The following MBTPS2 variants were observed in gnomAD, a reference collection of about 807,000 sequenced individuals.
MBTPS2 encodes the protein membrane bound transcription factor peptidase, site 2, also known as membrane-bound transcription factor site-2 protease.
A neutral mutation model predicts 35.4 loss-of-function variants in MBTPS2; 2 were observed. That is an observed-to-expected ratio of 0.06 (90% CI 0.02 to 0.18). MBTPS2 has a LOEUF of 0.18. Among genes scored for constraint, MBTPS2 ranks in the 10% least tolerant of loss-of-function variants. MBTPS2 has a pLI of 1.00. For synonymous variants in MBTPS2, 125 were observed against 140.4 expected (o/e 0.89, Z 0.77); for missense variants, 244 against 386.5 (o/e 0.63, Z 3.09).
At chrX:21,874,465 T>C (rs960174987) in intron 7 of MBTPS2, among the ~76,000 whole-genome samples, 2 of 111,430 alleles carry the variant, frequency 1.8e-5, no homozygotes, top group African/African-American at 3.3e-5. Context: ...TAAGCTAGGG[T>C]AAGAAAATTG....
intron 5 of MBTPS2, among the ~76,000 whole-genome samples, chrX:21,864,554 A>T (rs1328797260): frequency 9.0e-6 from 1 of 111,624 alleles, no homozygotes; most frequent in Admixed American, 9.5e-5. Context: ...AGGTGTGGTG[A>T]CTCACGCCTT....
At chrX:21,859,179 T>A (rs1003866943) in intron 5 of MBTPS2, among the ~76,000 whole-genome samples, 4 of 111,295 alleles carry the variant, frequency 3.6e-5, no homozygotes, top group Admixed American at 9.6e-5. Context: ...ATTTTTTTTT[T>A]AAATTGTAAA....
intron 7 of MBTPS2, among the ~76,000 whole-genome samples, chrX:21,876,263 TATG>T (rs995404633): frequency 3.6e-5 from 4 of 111,900 alleles, no homozygotes; most frequent in Non-Finnish European, 5.6e-5. Flanking sequence ...CCCATTCAGT[TATG>T]ATAAGAAGAC....
In MBTPS2 at chrX:21,869,774, A is replaced by AT. The variant is rs1485989766; in HGVS notation, c.970+97dup. The AT allele has an allele frequency of 5.5e-6, 4 of 726,671 alleles. No homozygotes were observed. The East Asian group carries it at 1.3e-4, about 24-fold the overall frequency. The allele number at this position is 726,671 out of a possible 1,213,427, so 59.9% of individuals were successfully genotyped here. On this transcript the variant is annotated intron_variant, in intron 7 of 10. Coordinates refer to ENST00000379484, the MANE Select transcript of MBTPS2 (RefSeq NM_015884.4). ...ATGTCTATACATTTATTCTGTTCTA[A>AT]TCTGTTTAAAGCAAATCAGTAAAGT...
intron 5 of MBTPS2, chrX:21,857,767 A>T: frequency 1.8e-6 from 1 of 565,064 alleles, no homozygotes; most frequent in Non-Finnish European, 2.7e-6. Context: ...AATAGAATTT[A>T]AACGTTTTTA....
intron 4 of MBTPS2, 149 bp downstream of exon 4, chrX:21,851,761 G>C (rs2092914980): frequency 1.3e-5 from 6 of 472,535 alleles, no homozygotes; most frequent in Non-Finnish European, 2.2e-5. Context: ...TTGTTACTTT[G>C]AGGAAGCTTC....
intron 5 of MBTPS2, among the ~76,000 whole-genome samples, chrX:21,867,848 C>A (rs1045969691): frequency 1.8e-5 from 2 of 110,825 alleles, no homozygotes; most frequent in Admixed American, 9.6e-5. Flanking sequence ...ACCATGTTGG[C>A]CAAGCTGGTG....
At chrX:21,845,753 T>C (rs1307878453) in intron 3 of MBTPS2, among the ~76,000 whole-genome samples, 1 of 112,486 alleles carries the variant, frequency 8.9e-6, no homozygotes, top group Non-Finnish European at 1.9e-5. Flanking sequence ...ATGCAAAGTG[T>C]TTCCCTTTCC....
At chrX:21,854,245 C>T (rs750438748) in intron 5 of MBTPS2, among the ~76,000 whole-genome samples, 47 of 111,916 alleles carry the variant, frequency 4.2e-4, no homozygotes, top group Non-Finnish European at 7.0e-4. Flanking sequence ...GATCTAAAAA[C>T]ACACATAAAC....
rs764991740 is a variant in MBTPS2, at chrX:21,884,982, G to A, written c.*2327G>A. ...GGAAAAATGGATTATTTTGAGGATT[G>A]AAGAAAGTGTTCTTTCTGCGTTGTC... On this transcript the variant is annotated 3_prime_UTR_variant, in exon 11 of 11. Coordinates refer to ENST00000379484, the MANE Select transcript of MBTPS2 (RefSeq NM_015884.4). 4 of 750,040 alleles carry A rather than the reference G, an allele frequency of 5.3e-6. No homozygotes were observed. The highest frequency in any genetic ancestry group is 1.5e-4 in the East Asian group (1 of 6,612). 61.8% of individuals were successfully genotyped at this position (750,040 alleles called of 1,213,427 possible).
At position 21,885,140 on chromosome X, in the gene MBTPS2, C is replaced by G. The variant is rs2092963375; in HGVS notation, c.*2485C>G. 2.7e-6 allele frequency: 2 copies of G among 750,098 alleles called. No individual in the cohort carries two copies. Among genetic ancestry groups the G allele is most frequent in the Admixed American group, 8.8e-5 (1 of 11,344 alleles). The allele number at this position is 750,098 out of a possible 1,213,427, so 61.8% of individuals were successfully genotyped here. Reference sequence around the variant, plus strand: ...TTTTCAGCATCTCAGTTTGAAAAGACATGCAGTTAAACTTGACCTTTTGAT... The same window carrying G: ...TTTTCAGCATCTCAGTTTGAAAAGAGATGCAGTTAAACTTGACCTTTTGAT... On this transcript the variant is annotated 3_prime_UTR_variant, in exon 11 of 11. Transcript: ENST00000379484.
chrX:21,843,546 A>G (rs1006796910), intron 2 of MBTPS2, among the ~76,000 whole-genome samples: 16 of 111,695 alleles, frequency 1.4e-4, no homozygotes, highest in Middle Eastern at 4.6e-3. Flanking sequence ...CTTTACAATG[A>G]TCTCTGGGAC....
Position 21,839,694 on chromosome X carries a change from A to G in MBTPS2, c.-41A>G, listed in dbSNP as rs1438119168. The G allele has an allele frequency of 2.6e-6, 3 of 1,153,990 alleles. No homozygotes were observed. Among genetic ancestry groups the G allele is most frequent in the Non-Finnish European group, 3.5e-6 (3 of 860,823 alleles). On this transcript the variant is annotated 5_prime_UTR_variant, in exon 1 of 11. Transcript: ENST00000379484. ...AGCTGTTGGCGGTGCAGGGAGGAGG[A>G]CGCCGGGGCTCGCCTTCCCTCCTCT... is the stretch of plus-strand genomic sequence containing the variant.
Position 21,884,648 on chromosome X carries a change from T to C in MBTPS2, c.*1993T>C, listed in dbSNP as rs769917543. On this transcript the variant is annotated 3_prime_UTR_variant, in exon 11 of 11. Coordinates refer to ENST00000379484, the MANE Select transcript of MBTPS2 (RefSeq NM_015884.4). ...CGGCCTCATTATGTAAGAAAGAAAATGTTACGTGTTTTCTTCTTTAGCTTG... is the reference window on the plus strand; with the variant it reads ...CGGCCTCATTATGTAAGAAAGAAAACGTTACGTGTTTTCTTCTTTAGCTTG... The C allele has an allele frequency of 2.0e-4, 147 of 749,182 alleles. No individual in the cohort carries two copies. The highest frequency in any genetic ancestry group is 2.2e-4 in the Non-Finnish European group (143 of 636,152). 61.7% of individuals were successfully genotyped at this position (749,182 alleles called of 1,213,427 possible). A position where few individuals can be genotyped will look rare whatever the true frequency, so the allele number is the denominator to read the frequency against.
chrX:21,879,175 A>G (rs1365217824), intron 9 of MBTPS2, among the ~76,000 whole-genome samples: 4 of 112,338 alleles, frequency 3.6e-5, no homozygotes, highest in Non-Finnish European at 7.5e-5. Flanking sequence ...CTTTATGGCT[A>G]AAGATCATGT....
intron 5 of MBTPS2, among the ~76,000 whole-genome samples, chrX:21,862,219 G>C (rs987780847): frequency 9.0e-6 from 1 of 110,672 alleles, no homozygotes; most frequent in Non-Finnish European, 1.9e-5. Context: ...GGGAAGACTA[G>C]GTATGGGGGA....
At chrX:21,852,078 T>C (rs1045046649) in intron 4 of MBTPS2, among the ~76,000 whole-genome samples, 1 of 112,142 alleles carries the variant, frequency 8.9e-6, no homozygotes, top group Non-Finnish European at 1.9e-5. Context: ...ACAAATATCA[T>C]AGTCTATCTA....
chrX:21,876,762 AC>A (rs898068362), intron 7 of MBTPS2, among the ~76,000 whole-genome samples: 7 of 111,617 alleles, frequency 6.3e-5, no homozygotes, highest in East Asian at 5.6e-4. Context: ...AAAACAAAAA[AC>A]TATTTAAAAA....
At chrX:21,848,995 TGTAACA>T (rs1202630509) in intron 3 of MBTPS2, among the ~76,000 whole-genome samples, 1 of 112,359 alleles carries the variant, frequency 8.9e-6, no homozygotes, top group Non-Finnish European at 1.9e-5. Flanking sequence ...ATATTTTTTA[TGTAACA>T]GTAACACCTT....
Sources: gnomAD v4.1 joint callset for allele counts (sites outside exome capture counted in the v4.1 genomes callset) on GRCh38, gnomAD v4.1.1 for gene constraint, MANE v1.5 for transcripts, NCBI Gene and HGNC (gene_info 2026-07-23, HGNC 2026-07-21) for gene names.